NREP: variants seen among roughly 807,000 people sequenced by gnomAD.
The protein encoded by NREP is neuronal regeneration-related protein.
A neutral mutation model predicts 8.6 loss-of-function variants in NREP; 5 were observed. The ratio of observed to expected loss-of-function variants is 0.58; its 90% confidence interval spans 0.30 to 1.22. The LOEUF (loss-of-function observed/expected upper bound fraction) is 1.22. Ranked by LOEUF, NREP falls within the 50% of genes most tolerant of loss-of-function variation. The probability of loss-of-function intolerance (pLI) is 0.07; values close to 1 mark genes in which losing one functional copy is unlikely to be tolerated. For missense variants in NREP, 86 were observed against 82.5 expected (o/e 1.04, Z -0.17); for synonymous variants, 27 against 28.0 (o/e 0.96, Z 0.11).
At position 111,976,822 on chromosome 5, in the gene NREP, A is replaced by T. The variant is rs1006175945; in HGVS notation, c.-83T>A. On this transcript the variant is annotated 5_prime_UTR_variant, in exon 1 of 4. Transcript: ENST00000395634. ...TTGCCGGGAGTTGGCCAGACAGCTCAGGACACAGCTCTGCAGCCCATTCTG... is the reference window on the plus strand; with the variant it reads ...TTGCCGGGAGTTGGCCAGACAGCTCTGGACACAGCTCTGCAGCCCATTCTG... The T allele has an allele frequency of 3.7e-6, 4 of 1,086,744 alleles. No individual in the cohort carries two copies. The African/African-American group carries it at 4.7e-5, about 13-fold the overall frequency. The allele number at this position is 1,086,744 out of a possible 1,614,324, so 67.3% of individuals were successfully genotyped here.
chr5:111,827,868 A>C (rs1752665458), intron 2 of NREP, among the ~76,000 whole-genome samples: 1 of 151,992 alleles, frequency 6.6e-6, no homozygotes, highest in African/African-American at 2.4e-5. Flanking sequence ...ACAAACAAAA[A>C]ACAACAACAA....
chr5:111,836,176 A>G (rs1752888638), intron 2 of NREP, among the ~76,000 whole-genome samples: 1 of 152,148 alleles, frequency 6.6e-6, no homozygotes, highest in South Asian at 2.1e-4. Flanking sequence ...TCAGGTAAAA[A>G]GAACATAAAC....
At chr5:111,785,713 T>A (rs1462025782) in intron 2 of NREP, among the ~76,000 whole-genome samples, 1 of 152,154 alleles carries the variant, frequency 6.6e-6, no homozygotes, top group Non-Finnish European at 1.5e-5. Context: ...AAAGGGGACA[T>A]GAAGCTGTAT....
chr5:111,759,132 A>G (rs1750896931), upstream of NREP, among the ~76,000 whole-genome samples: 1 of 152,136 alleles, frequency 6.6e-6, no homozygotes, highest in African/African-American at 2.4e-5. Context: ...GAGAGGGGAG[A>G]CGCCTGGGGG....
upstream of NREP, among the ~76,000 whole-genome samples, chr5:111,758,967 A>G (rs992677842): frequency 6.6e-6 from 1 of 152,270 alleles, no homozygotes; most frequent in African/African-American, 2.4e-5. Context: ...AAAACATCAC[A>G]GTAATTTTCC....
At chr5:111,742,783 T>TTC (rs1176365099) in intron 2 of NREP, among the ~76,000 whole-genome samples, 2 of 152,092 alleles carry the variant, frequency 1.3e-5, no homozygotes, top group Non-Finnish European at 2.9e-5. Flanking sequence ...CAACATCGTG[T>TTC]TCCTCTCATT....
At position 111,764,998 on chromosome 5, in the gene NREP, A is replaced by G. The variant is rs1047652989; in HGVS notation, c.136-29491T>C. Among the ~76,000 whole-genome samples, 5 of 152,294 alleles carry G rather than the reference A, an allele frequency of 3.3e-5. No homozygotes were observed. In the East Asian group the frequency reaches 7.7e-4, roughly 24 times the overall value. On this transcript the variant is annotated intron_variant, in intron 2 of 3. Coordinates refer to the NREP transcript ENST00000395634. ...TGAGAATCAGAGGTAGAAAAAAATG[A>G]AGGCCGTTACATAGGATCACAGCTC...
At chr5:111,749,364 T>C (rs1750210544) in intron 2 of NREP, among the ~76,000 whole-genome samples, 1 of 152,048 alleles carries the variant, frequency 6.6e-6, no homozygotes, top group Non-Finnish European at 1.5e-5. Flanking sequence ...CATCATTTCA[T>C]GTTGAAAATC....
chr5:111,968,829 G>A (rs1314739493), intron 2 of NREP, among the ~76,000 whole-genome samples: 2 of 152,204 alleles, frequency 1.3e-5, no homozygotes, highest in East Asian at 3.9e-4. Flanking sequence ...CTCAACTGCA[G>A]AAGTCCCCCT....
At chr5:111,930,493 G>C (rs953329045) in intron 2 of NREP, among the ~76,000 whole-genome samples, 1 of 152,090 alleles carries the variant, frequency 6.6e-6, no homozygotes, top group Non-Finnish European at 1.5e-5. Context: ...ACCAGAATGA[G>C]TTTTATGTCA....
intron 2 of NREP, among the ~76,000 whole-genome samples, chr5:111,798,059 G>C (rs1009687216): frequency 1.3e-5 from 2 of 152,256 alleles, no homozygotes; most frequent in Admixed American, 6.5e-5. Context: ...GAATTAGATA[G>C]TTATTCAGTT....
chr5:111,792,323 C>T (rs893938045), intron 2 of NREP, among the ~76,000 whole-genome samples: 4 of 152,280 alleles, frequency 2.6e-5, no homozygotes, highest in Non-Finnish European at 5.9e-5. Flanking sequence ...GACTCTGATA[C>T]ACTGCCTTAA....
intron 2 of NREP, among the ~76,000 whole-genome samples, chr5:111,741,824 TACACACACACACACACACAC>T (rs112980817): frequency 5.4e-5 from 4 of 73,438 alleles, no homozygotes; most frequent in East Asian, 6.2e-4. Flanking sequence ...AACACACACA[TACACACACACACACACACAC>T]ACACACACAC....
chr5:111,737,538 C>G (rs1251719826), intron 2 of NREP, among the ~76,000 whole-genome samples: 1 of 152,036 alleles, frequency 6.6e-6, no homozygotes, highest in African/African-American at 2.4e-5. Context: ...GTCATTCTTG[C>G]GTTCTTGTGC....
chr5:111,968,749 G>C (rs191426811), intron 2 of NREP, among the ~76,000 whole-genome samples: 4 of 152,136 alleles, frequency 2.6e-5, no homozygotes, highest in African/African-American at 9.7e-5. Flanking sequence ...AGAACGTCTG[G>C]ATCCCAGCTT....
intron 2 of NREP, among the ~76,000 whole-genome samples, chr5:111,840,278 A>AT (rs1223178258): frequency 6.6e-6 from 1 of 151,728 alleles, no homozygotes; most frequent in Non-Finnish European, 1.5e-5. Context: ...TATGCTCGGG[A>AT]TTTTTTTGGT....
At chr5:111,865,667 G>C (rs185921309) in intron 2 of NREP, among the ~76,000 whole-genome samples, 1 of 152,144 alleles carries the variant, frequency 6.6e-6, no homozygotes, top group Non-Finnish European at 1.5e-5. Flanking sequence ...TTGCAAAATC[G>C]TAGCTATTTG....
intron 2 of NREP, among the ~76,000 whole-genome samples, chr5:111,813,088 C>A (rs1420470779): frequency 6.6e-6 from 1 of 152,064 alleles, no homozygotes; most frequent in Non-Finnish European, 1.5e-5. Flanking sequence ...GTAAGTATAT[C>A]ATTTGGCTTT....
chr5:111,783,912 T>C (rs1751551390), intron 2 of NREP, among the ~76,000 whole-genome samples: 1 of 152,214 alleles, frequency 6.6e-6, no homozygotes, highest in East Asian at 1.9e-4. Context: ...TGGCCTTATA[T>C]TTCTGTTTAC....
Sources: allele counts gnomAD v4.1 joint callset (sites outside exome capture counted in the v4.1 genomes callset), GRCh38; gene constraint gnomAD v4.1.1; transcripts MANE v1.5; gene names NCBI Gene and HGNC (gene_info 2026-07-23, HGNC 2026-07-21).